The following SMARCA5 variants were observed in gnomAD, a reference collection of about 807,000 sequenced individuals.
SMARCA5 encodes SWI/SNF-related matrix-associated actin-dependent regulator of chromatin subfamily A member 5.
In SMARCA5, 18 loss-of-function variants were observed where a neutral mutation model predicts 140.4. The ratio of observed to expected loss-of-function variants is 0.13; its 90% CI spans 0.09 to 0.19. SMARCA5 has a LOEUF of 0.19. Among genes scored for constraint, SMARCA5 ranks in the 10% least tolerant of loss-of-function variants. The pLI is 1.00. For missense variants in SMARCA5, 606 were observed against 1,276.8 expected (o/e 0.47, Z 8.01); for synonymous variants, 449 against 419.6 (o/e 1.07, Z -0.86).
chr4:143,545,642 A>T, intron 18 of SMARCA5, 59 bp downstream of exon 18: 1 of 1,031,018 alleles, frequency 9.7e-7, no homozygotes, highest in South Asian at 1.4e-5. Context: ...GAAGGTATAA[A>T]CATTAGTTAT....
Position 143,544,802 on chromosome 4 carries a change from A to G in SMARCA5, c.2238A>G (p.Ala746=), listed in dbSNP as rs765891753. 15 of 1,613,288 alleles carry G rather than the reference A, an allele frequency of 9.3e-6. No homozygotes were observed. Among genetic ancestry groups the G allele is most frequent in the Non-Finnish European group, 1.2e-5 (14 of 1,179,446 alleles). ...GAAAAGCCAACTATGCCGTTGATGC[A>G]TATTTCAGGGAAGCTCTTCGTGTTA... ...RERKANYAVD[A]YFREALRVSE... The change falls in exon 17 of 24, where the codon GCA becomes GCG. Residue 746 remains alanine, a synonymous_variant. Transcript: ENST00000283131.
chr4:143,525,454 T>C lies in SMARCA5; in HGVS notation c.524T>C (p.Val175Ala), dbSNP rs1474761534. 7.5e-6 allele frequency: 12 copies of C among 1,605,300 alleles called. No homozygotes were observed. The highest frequency in any genetic ancestry group is 1.0e-5 in the Non-Finnish European group (12 of 1,172,174). ...TGTGCTTTTCTTTTGTTCTTAGATG[T>C]AAAATGGGGTAAACTGAGAGATTAT... Reference protein sequence around the residue: ...CTRFEDSPSYVKWGKLRDYQV... With the variant: ...CTRFEDSPSYAKWGKLRDYQV... The change falls in exon 5 of 24, where the codon GTA becomes GCA. Residue 175 changes from valine (V) to alanine (A), a missense_variant. Around this residue, in one of 10 missense-constraint regions of SMARCA5, gnomAD observed 110 missense variants for 287.7 expected, o/e 0.38. Coordinates refer to ENST00000283131, the MANE Select transcript of SMARCA5 (RefSeq NM_003601.4).
At position 143,540,419 on chromosome 4, in the gene SMARCA5, T is replaced by C; in HGVS notation, c.1827T>C (p.Thr609=). 2 of 1,612,072 alleles carry C rather than the reference T, an allele frequency of 1.2e-6. No individual in the cohort carries two copies. The highest frequency in any genetic ancestry group is 1.7e-6 in the Non-Finnish European group (2 of 1,178,338). ...CAGTCAGAGTGTTCCGCTTTATAAC[T>C]GATAACACTGTAGAAGAAAGAATAG... ...TKTVRVFRFI[T]DNTVEERIVE... The change falls in exon 14 of 24, where the codon ACT becomes ACC. Residue 609 remains threonine (T), a synonymous_variant. Transcript: ENST00000283131.
In SMARCA5 at chr4:143,513,871, C is replaced by T; in HGVS notation, c.-54C>T. Reference sequence around the variant, plus strand: ...GCATCCAGGCCTAGGCCTCCCCGTCCATCCCCGCCGGACTCGGGCCTCTGG... The same window carrying T: ...GCATCCAGGCCTAGGCCTCCCCGTCTATCCCCGCCGGACTCGGGCCTCTGG... On this transcript the variant is annotated 5_prime_UTR_variant, in exon 1 of 24. Transcript: ENST00000283131. 1.3e-6 allele frequency: 2 copies of T among 1,520,874 alleles called. No individual in the cohort carries two copies. Among genetic ancestry groups the T allele is most frequent in the Non-Finnish European group, 1.8e-6 (2 of 1,138,000 alleles). The allele number at this position is 1,520,874 out of a possible 1,614,324, so 94.2% of individuals were successfully genotyped here.
At chr4:143,546,938 T>C (rs559080924) in intron 20 of SMARCA5, 30 bp downstream of exon 20, 1 of 1,605,634 alleles carries the variant, frequency 6.2e-7, no homozygotes, top group East Asian at 2.2e-5. Flanking sequence ...TGTTGGAGTT[T>C]AGTAAGAGCT....
chr4:143,555,498 T>G lies in SMARCA5; in HGVS notation c.*2314T>G. On this transcript the variant is annotated 3_prime_UTR_variant, in exon 24 of 24. Transcript: ENST00000283131. Reference sequence around the variant, plus strand: ...TCCAACACAGGGTTTCAGTGTAGATTGTTTTGTTTTGTACCCATGCTGTTG... The same window carrying G: ...TCCAACACAGGGTTTCAGTGTAGATGGTTTTGTTTTGTACCCATGCTGTTG... 2.1e-6 allele frequency: 1 copy of G among 471,202 alleles called. No individual in the cohort carries two copies. The highest frequency in any genetic ancestry group is 3.9e-6 in the Non-Finnish European group (1 of 256,880). 29.2% of individuals were successfully genotyped at this position (471,202 alleles called of 1,614,324 possible). A position where few individuals can be genotyped will look rare whatever the true frequency, so the allele number is the denominator to read the frequency against.
chr4:143,547,311 C>A, intron 20 of SMARCA5, 74 bp from the exon 21 acceptor site: 2 of 766,292 alleles, frequency 2.6e-6, no homozygotes, highest in Non-Finnish European at 4.4e-6. Flanking sequence ...ATAAATAATC[C>A]AGTTGATCCC....
intron 10 of SMARCA5, 51 bp from the exon 11 acceptor site, chr4:143,536,401 G>C: frequency 2.4e-6 from 3 of 1,253,058 alleles, no homozygotes; most frequent in Non-Finnish European, 3.5e-6. Context: ...AAGTGGCAGG[G>C]ATTGATCAAG....
At chr4:143,518,901 A>G (rs534712326) in intron 2 of SMARCA5, among the ~76,000 whole-genome samples, 1 of 152,072 alleles carries the variant, frequency 6.6e-6, no homozygotes, top group African/African-American at 2.4e-5. Flanking sequence ...CTAATTGCCA[A>G]TTCTGAGGCT....
chr4:143,516,731 AT>A (rs921237110), intron 1 of SMARCA5, among the ~76,000 whole-genome samples: 1 of 151,958 alleles, frequency 6.6e-6, no homozygotes, highest in Non-Finnish European at 1.5e-5. Flanking sequence ...ACTTCTGCCA[AT>A]TTTTTTTAAT....
chr4:143,553,812 G>T lies in SMARCA5; in HGVS notation c.*628G>T, dbSNP rs186530079. The T allele has an allele frequency of 1.3e-5, 2 of 151,924 alleles. No individual in the cohort carries two copies. The highest frequency in any genetic ancestry group is 2.4e-5 in the African/African-American group (1 of 41,478). 9.4% of individuals were successfully genotyped at this position (151,924 alleles called of 1,614,324 possible). ...ATTCTTTTGAAAGAATGGCCTTTTA[G>T]TTGTATAGCCAAAGACATTTAGTAT... On this transcript the variant is annotated 3_prime_UTR_variant, in exon 24 of 24. Coordinates refer to ENST00000283131, the MANE Select transcript of SMARCA5 (RefSeq NM_003601.4).
intron 1 of SMARCA5, chr4:143,514,659 A>T (rs1285362089): frequency 6.6e-6 from 1 of 152,526 alleles, no homozygotes; most frequent in African/African-American, 2.4e-5. Flanking sequence ...CGCAGTGGGG[A>T]TAAGCGGGGC....
intron 2 of SMARCA5, 89 bp downstream of exon 2, chr4:143,517,518 T>C (rs775513246): frequency 6.7e-5 from 49 of 731,946 alleles, no homozygotes; most frequent in Admixed American, 1.7e-4. Flanking sequence ...GTCCATTTTG[T>C]GTTACAACAA....
intron 19 of SMARCA5, 34 bp downstream of exon 19, chr4:143,546,081 A>G (rs1313880837): frequency 6.5e-7 from 1 of 1,530,996 alleles, no homozygotes; most frequent in Non-Finnish European, 8.8e-7. Context: ...CTTTAGTAAC[A>G]GTTTGTTGTA....
At chr4:143,530,325 T>C (rs1208524284) in intron 8 of SMARCA5, 133 bp from the exon 9 acceptor site, 16 of 516,220 alleles carry the variant, frequency 3.1e-5, no homozygotes, top group Non-Finnish European at 5.0e-5. Flanking sequence ...AAAACCAGGA[T>C]TGGACTAAGT....
chr4:143,529,607 GT>G (rs937861642), intron 8 of SMARCA5, among the ~76,000 whole-genome samples: 1 of 151,876 alleles, frequency 6.6e-6, no homozygotes, highest in East Asian at 1.9e-4. Flanking sequence ...AGAAATTGCA[GT>G]TTTTTTTGCC....
chr4:143,518,747 A>G (rs1228107561), intron 2 of SMARCA5, among the ~76,000 whole-genome samples: 1 of 152,010 alleles, frequency 6.6e-6, no homozygotes, highest in Non-Finnish European at 1.5e-5. Flanking sequence ...TGTAACTGTC[A>G]CCTTTTTTGC....
chr4:143,517,345 T>C lies in SMARCA5; in HGVS notation c.178-10T>C, dbSNP rs761976374. 6.3e-7 allele frequency: 1 copy of C among 1,596,334 alleles called. No homozygotes were observed. Among genetic ancestry groups the C allele is most frequent in the South Asian group, 1.1e-5 (1 of 88,820 alleles). On this transcript the variant is annotated splice_polypyrimidine_tract_variant and intron_variant, in intron 1 of 23. Coordinates refer to ENST00000283131, the MANE Select transcript of SMARCA5 (RefSeq NM_003601.4). Reference sequence around the variant, plus strand: ...AAGACCAATTCTATTTAATTATTTCTTTCTACCAGGAAATATTTGATGATG... The same window carrying C: ...AAGACCAATTCTATTTAATTATTTCCTTCTACCAGGAAATATTTGATGATG...
At chr4:143,552,386 T>A (rs1737656652) in intron 23 of SMARCA5, among the ~76,000 whole-genome samples, 1 of 152,094 alleles carries the variant, frequency 6.6e-6, no homozygotes, top group South Asian at 2.1e-4. Context: ...CTTTCTTTCT[T>A]TCTCTCGTCT....
Sources: allele counts gnomAD v4.1 joint callset (sites outside exome capture counted in the v4.1 genomes callset), GRCh38; gene constraint gnomAD v4.1.1; regional missense constraint gnomAD v4.1.1; transcripts MANE v1.5; gene names NCBI Gene and HGNC (gene_info 2026-07-23, HGNC 2026-07-21).